SP7: variants seen among roughly 807,000 people sequenced by gnomAD.
SP7 encodes transcription factor Sp7.
SP7 carries 13 observed loss-of-function variants against 27.9 expected under a neutral mutation model. The observed-to-expected ratio is 0.47, with a 90% CI of 0.30 to 0.74. SP7 has a LOEUF of 0.74. Among genes scored for constraint, SP7 ranks in the 30% least tolerant of loss-of-function variants. SP7 has a pLI of 0.06. For missense variants in SP7, 525 were observed against 558.0 expected (o/e 0.94, Z 0.60); for synonymous variants, 219 against 226.7 (o/e 0.97, Z 0.31).
At chr12:53,336,074 G>GA in intron 1 of SP7, 72 bp downstream of exon 1, 1 of 197,686 alleles carries the variant, frequency 5.1e-6, no homozygotes, top group Admixed American at 5.2e-5. Context: ...GTGGACCCCG[G>GA]TGTCCTACAC....
upstream of SP7, among the ~76,000 whole-genome samples, chr12:53,336,674 G>C (rs1174375127): frequency 6.6e-6 from 1 of 152,088 alleles, no homozygotes; most frequent in Non-Finnish European, 1.5e-5. Flanking sequence ...GGAGAGGCTT[G>C]CTTCCCCAGT....
intron 2 of SP7, among the ~76,000 whole-genome samples, chr12:53,332,347 G>C (rs190567330): frequency 9.3e-4 from 142 of 152,280 alleles, no homozygotes; most frequent in African/African-American, 2.7e-3. Context: ...GAGGCCAAGT[G>C]GGGGAGGGTT....
At chr12:53,335,590 G>A (rs1158881302) in intron 2 of SP7, 36 bp downstream of exon 2, 15 of 1,108,102 alleles carry the variant, frequency 1.4e-5, no homozygotes, top group Non-Finnish European at 2.0e-5. Flanking sequence ...CATTAAGGTT[G>A]TGGCTGGTTT....
At chr12:53,335,766 G>T in intron 1 of SP7, 73 bp from the exon 2 acceptor site, 1 of 1,148,538 alleles carries the variant, frequency 8.7e-7, no homozygotes, top group South Asian at 1.5e-5. Flanking sequence ...GGAGAGAAGA[G>T]ATCTAAAGTT....
At chr12:53,333,936 C>T (rs1944736460) in intron 2 of SP7, among the ~76,000 whole-genome samples, 1 of 152,182 alleles carries the variant, frequency 6.6e-6, no homozygotes, top group Non-Finnish European at 1.5e-5. Context: ...TTTCGCCATG[C>T]ACTATCCCAA....
Position 53,327,459 on chromosome 12 carries a change from G to A in SP7, c.*687C>T, listed in dbSNP as rs977111513. On this transcript the variant is annotated 3_prime_UTR_variant, in exon 3 of 3. Transcript: ENST00000536324. ...CTCCCCAGCTCACTCTACCTGACCC[G>A]TCATCATAACTTACATAAATAGAAT... The A allele has an allele frequency of 3.3e-5, 5 of 152,578 alleles. No homozygotes were observed. The highest frequency in any genetic ancestry group is 2.0e-4 in the Admixed American group (3 of 15,284). 9.5% of individuals were successfully genotyped at this position (152,578 alleles called of 1,614,324 possible).
At chr12:53,341,244 T>A (rs185203334), upstream of SP7, among the ~76,000 whole-genome samples, 17 of 152,290 alleles carry the variant, frequency 1.1e-4, no homozygotes, top group East Asian at 3.3e-3. Flanking sequence ...TGACTCTGGC[T>A]CCCCTCTTCC....
At chr12:53,333,101 GC>G (rs1196986532) in intron 2 of SP7, among the ~76,000 whole-genome samples, 2 of 152,206 alleles carry the variant, frequency 1.3e-5, no homozygotes, top group Non-Finnish European at 2.9e-5. Flanking sequence ...GGAATGGGGA[GC>G]GAGGAACCAG....
At chr12:53,341,983 G>A (rs1216408000) in intron 1 of SP7, among the ~76,000 whole-genome samples, 3 of 152,050 alleles carry the variant, frequency 2.0e-5, no homozygotes, top group Non-Finnish European at 2.9e-5. Flanking sequence ...TGGCGTGACC[G>A]GGAGGTGGAG....
chr12:53,329,415 T>G lies in SP7; in HGVS notation c.27A>C (p.Glu9Asp). 6.2e-7 allele frequency: 1 copy of G among 1,613,588 alleles called. No individual in the cohort carries two copies. The part of the protein sequence containing the change: MASSLLEE[E>D]VHYGSSPLAM... The stretch of plus-strand genomic sequence containing the variant: ...CCAGGGGACTGGAGCCATAGTGAAC[T>G]TCCTCCTGTGGAAAGAGGGACGCAC... Residue 9 changes from glutamate (E) to aspartate (D), a missense_variant, in exon 3 of 3, where the codon GAA becomes GAC. Physicochemically the swap from Glu to Asp is conservative, Grantham distance 45. Transcript: ENST00000536324.
chr12:53,343,028 GC>G (rs1165707287), intron 1 of SP7, among the ~76,000 whole-genome samples: 2 of 151,720 alleles, frequency 1.3e-5, no homozygotes, highest in Non-Finnish European at 2.9e-5. Context: ...CAGTGCAGTG[GC>G]TCATGCCTGT....
chr12:53,332,847 T>G (rs1944721311), intron 2 of SP7, among the ~76,000 whole-genome samples: 1 of 151,812 alleles, frequency 6.6e-6, no homozygotes, highest in Non-Finnish European at 1.5e-5. Flanking sequence ...TTCTCCCCCC[T>G]GACCGCCCCC....
chr12:53,343,351 G>A (rs1944839161), intron 1 of SP7, among the ~76,000 whole-genome samples: 1 of 152,156 alleles, frequency 6.6e-6, no homozygotes. Flanking sequence ...AAGGGGCCTA[G>A]ACTTGATCCA....
At chr12:53,338,320 C>T (rs1944792581), upstream of SP7, among the ~76,000 whole-genome samples, 1 of 152,124 alleles carries the variant, frequency 6.6e-6, no homozygotes, top group Non-Finnish European at 1.5e-5. Flanking sequence ...TGCCAGATGG[C>T]TTTCCGGGGC....
At position 53,326,638 on chromosome 12, in the gene SP7, T is replaced by A. The variant is rs928922075; in HGVS notation, c.*1508A>T. On this transcript the variant is annotated 3_prime_UTR_variant, in exon 3 of 3. Transcript: ENST00000536324. The stretch of plus-strand genomic sequence containing the variant: ...AGACTCCACAAAGGGCATGATCCCT[T>A]CCATTCCACAATGTTCTCTCCCCAA... 6.6e-6 allele frequency: 1 copy of A among 152,270 alleles called. No individual in the cohort carries two copies. The highest frequency in any genetic ancestry group is 1.5e-5 in the Non-Finnish European group (1 of 68,020). 9.4% of individuals were successfully genotyped at this position (152,270 alleles called of 1,614,324 possible).
At chr12:53,340,236 C>T (rs760379569), upstream of SP7, among the ~76,000 whole-genome samples, 10 of 152,078 alleles carry the variant, frequency 6.6e-5, no homozygotes, top group Non-Finnish European at 1.5e-4. Context: ...CCCATCAACA[C>T]ACGTATCTAC....
chr12:53,333,236 G>A (rs1463685938), intron 2 of SP7, among the ~76,000 whole-genome samples: 1 of 152,168 alleles, frequency 6.6e-6, no homozygotes, highest in Non-Finnish European at 1.5e-5. Flanking sequence ...CTGGTTAAGA[G>A]TTCTAAACAT....
In SP7 at chr12:53,328,417, T is replaced by C. The variant is rs1302475909; in HGVS notation, c.1025A>G (p.Glu342Gly). Residue 342 changes from glutamate to glycine, a missense_variant, in exon 3 of 3, where the codon GAG becomes GGG. Glu to Gly is a moderately conservative substitution (Grantham distance 98). Coordinates refer to ENST00000536324, the MANE Select transcript of SP7 (RefSeq NM_001173467.3). The surrounding 1 kb of genome is among the most constrained non-coding windows in gnomAD (Gnocchi z 5.1). ...CCGGGTGTGAGTGCGCACATGACGC[T>C]CCAGCTCATCCGAACGAGTGAACCT... ...GKRFTRSDELERHVRTHTREK... is the reference protein window; with the variant it reads ...GKRFTRSDELGRHVRTHTREK... 1 of 1,613,920 alleles carries C rather than the reference T, an allele frequency of 6.2e-7. No individual in the cohort carries two copies. Among genetic ancestry groups the C allele is most frequent in the South Asian group, 1.1e-5 (1 of 91,088 alleles).
chr12:53,332,740 G>A (rs1045633344), intron 2 of SP7, among the ~76,000 whole-genome samples: 2 of 152,118 alleles, frequency 1.3e-5, no homozygotes, highest in Non-Finnish European at 2.9e-5. Context: ...AAAAAGAAAA[G>A]GGGGAGGAGG....
Sources: gnomAD v4.1 joint callset for allele counts (sites outside exome capture counted in the v4.1 genomes callset) on GRCh38, gnomAD v4.1.1 for gene constraint, Gnocchi (gnomAD v3.1) non-coding constraint, MANE v1.5 for transcripts, NCBI Gene and HGNC (gene_info 2026-07-23, HGNC 2026-07-21) for gene names.